SPSB4: variants seen among roughly 807,000 people sequenced by gnomAD.
SPSB4 encodes the protein splA/ryanodine receptor domain and SOCS box containing 4.
A neutral mutation model predicts 20.9 loss-of-function variants in SPSB4; 21 were observed. The observed-to-expected ratio is 1.01, with a 90% CI of 0.71 to 1.45. The LOEUF is 1.45. Among genes scored for constraint, SPSB4 ranks in the 40% most tolerant of loss-of-function variants. The probability of loss-of-function intolerance (pLI) is 0.00; values close to 1 mark genes in which losing one functional copy is unlikely to be tolerated. For missense variants in SPSB4, 399 were observed against 399.2 expected, an observed-to-expected ratio of 1.00 and a Z score of 0.00; for synonymous variants, 207 against 183.8, an observed-to-expected ratio of 1.13 and a Z score of -1.02.
intron 2 of SPSB4, among the ~76,000 whole-genome samples, chr3:141,094,532 A>C (rs1410150972): frequency 6.6e-6 from 1 of 152,156 alleles, no homozygotes; most frequent in Non-Finnish European, 1.5e-5. Context: ...GGCTGGTGAG[A>C]GACTCAGGGA....
At chr3:141,111,658 G>A (rs1177408723) in intron 2 of SPSB4, among the ~76,000 whole-genome samples, 6 of 152,082 alleles carry the variant, frequency 3.9e-5, no homozygotes, top group Admixed American at 6.5e-5. Context: ...TGAGTGTTCC[G>A]TCCTAGGAAA....
chr3:141,118,974 C>T lies in SPSB4; in HGVS notation c.695-28168C>T, dbSNP rs574451348. Among the ~76,000 whole-genome samples the T allele has an allele frequency of 2.0e-5, 3 of 152,302 alleles. No individual in the cohort carries two copies. The South Asian group carries it at 6.2e-4, about 32-fold the overall frequency. On this transcript the variant is annotated intron_variant, in intron 2 of 2. Transcript: ENST00000310546. ...CTTAGGATTGTCTTGGCTATATGGG[C>T]TCTTTTTTGGTTCCATATGAACTTT...
At chr3:141,145,204 T>A (rs1184176290) in intron 2 of SPSB4, among the ~76,000 whole-genome samples, 2 of 148,968 alleles carry the variant, frequency 1.3e-5, no homozygotes, top group African/African-American at 5.0e-5. Flanking sequence ...ATAATTATTT[T>A]AAAAAGAGAA....
At chr3:141,111,520 A>G (rs1938798240) in intron 2 of SPSB4, among the ~76,000 whole-genome samples, 1 of 151,952 alleles carries the variant, frequency 6.6e-6, no homozygotes, top group Non-Finnish European at 1.5e-5. Flanking sequence ...TGGTCCCTAG[A>G]TTGAACTGTT....
chr3:141,138,852 C>A (rs543465828), intron 2 of SPSB4, among the ~76,000 whole-genome samples: 1 of 152,008 alleles, frequency 6.6e-6, no homozygotes, highest in East Asian at 1.9e-4. Context: ...CTATTAGGTC[C>A]GCTTGGTGCA....
chr3:141,113,817 C>T (rs576222733), intron 2 of SPSB4, among the ~76,000 whole-genome samples: 7 of 152,126 alleles, frequency 4.6e-5, no homozygotes, highest in African/African-American at 7.2e-5. Context: ...TAATTTTGGC[C>T]GAGCGTGGTG....
intron 2 of SPSB4, among the ~76,000 whole-genome samples, chr3:141,111,804 A>G (rs1938801638): frequency 6.6e-6 from 1 of 152,154 alleles, no homozygotes; most frequent in African/African-American, 2.4e-5. Context: ...CACTTATTAA[A>G]TGTGATGTGC....
chr3:141,092,655 T>C (rs1383853398), intron 2 of SPSB4, among the ~76,000 whole-genome samples: 7 of 152,184 alleles, frequency 4.6e-5, no homozygotes, highest in African/African-American at 1.7e-4. Flanking sequence ...TTTAGAGGCT[T>C]GACTGGCATG....
chr3:141,061,738 CTTTT>C (rs71151410), intron 1 of SPSB4, among the ~76,000 whole-genome samples: 1 of 94,854 alleles, frequency 1.1e-5, no homozygotes, highest in Admixed American at 1.1e-4. Context: ...TTCTTTCTTT[CTTTT>C]TTTTTTTTTT....
intron 2 of SPSB4, among the ~76,000 whole-genome samples, chr3:141,112,732 C>T (rs1014357839): frequency 2.6e-5 from 4 of 151,356 alleles, no homozygotes; most frequent in Non-Finnish European, 5.9e-5. Flanking sequence ...ACTGGGCTGT[C>T]CCATCATAAC....
At chr3:141,083,015 A>G (rs564055085) in intron 2 of SPSB4, among the ~76,000 whole-genome samples, 35 of 151,142 alleles carry the variant, frequency 2.3e-4, no homozygotes, top group African/African-American at 8.3e-4. Context: ...TGTGTCCACC[A>G]TGGACCTCCC....
intron 2 of SPSB4, among the ~76,000 whole-genome samples, chr3:141,098,309 T>C (rs2107794406): frequency 6.6e-6 from 1 of 152,358 alleles, no homozygotes; most frequent in South Asian, 2.1e-4. Context: ...TTTAGTATGG[T>C]CCCCACAAAT....
intron 2 of SPSB4, among the ~76,000 whole-genome samples, chr3:141,134,741 T>G (rs1358725934): frequency 6.6e-6 from 1 of 152,200 alleles, no homozygotes; most frequent in African/African-American, 2.4e-5. Flanking sequence ...TGAAGATTTT[T>G]GCATGTATGT....
chr3:141,109,864 G>T (rs1320172385), intron 2 of SPSB4, among the ~76,000 whole-genome samples: 1 of 152,188 alleles, frequency 6.6e-6, no homozygotes, highest in African/African-American at 2.4e-5. Flanking sequence ...GTGTTTTACG[G>T]CCTGTGAGAG....
chr3:141,115,788 A>T (rs1223646968), intron 2 of SPSB4, among the ~76,000 whole-genome samples: 1 of 152,170 alleles, frequency 6.6e-6, no homozygotes, highest in Non-Finnish European at 1.5e-5. Flanking sequence ...TCTTAGACAC[A>T]ATTTTCCTCT....
chr3:141,051,616 C>G lies in SPSB4; in HGVS notation c.-530C>G, dbSNP rs1010599700. The G allele has an allele frequency of 2.1e-5, 3 of 143,156 alleles. No homozygotes were observed. The highest frequency in any genetic ancestry group is 7.5e-5 in the African/African-American group (3 of 40,006). The allele number at this position is 143,156 out of a possible 1,614,324, so 8.9% of individuals were successfully genotyped here. On this transcript the variant is annotated 5_prime_UTR_variant, in exon 1 of 3. Transcript: ENST00000310546. ...GGGGGCCAGCGGCCGAGGCGCGGCCCGTGCGCCCTGAGCGCGGGACTCGTC... is the reference window on the plus strand; with the variant it reads ...GGGGGCCAGCGGCCGAGGCGCGGCCGGTGCGCCCTGAGCGCGGGACTCGTC...
intron 2 of SPSB4, among the ~76,000 whole-genome samples, chr3:141,120,506 T>A (rs907176330): frequency 6.6e-6 from 1 of 151,970 alleles, no homozygotes; most frequent in Non-Finnish European, 1.5e-5. Context: ...ATATTGACAG[T>A]GGGGTGTTAA....
chr3:141,110,907 C>T (rs1201589903), intron 2 of SPSB4, among the ~76,000 whole-genome samples: 1 of 152,208 alleles, frequency 6.6e-6, no homozygotes, highest in Non-Finnish European at 1.5e-5. Context: ...GTGATTTGCC[C>T]AGATCCCACG....
intron 2 of SPSB4, among the ~76,000 whole-genome samples, chr3:141,071,090 A>T (rs908323986): frequency 1.3e-5 from 2 of 152,214 alleles, no homozygotes; most frequent in Non-Finnish European, 2.9e-5. Flanking sequence ...GCTAAGTTGT[A>T]TAAAGGCATC....
Sources: allele counts gnomAD v4.1 joint callset (sites outside exome capture counted in the v4.1 genomes callset), GRCh38; gene constraint gnomAD v4.1.1; transcripts MANE v1.5; gene names NCBI Gene and HGNC (gene_info 2026-07-23, HGNC 2026-07-21).